GIPC2: variants seen among roughly 807,000 people sequenced by gnomAD.
GIPC2 encodes GIPC PDZ domain containing family member 2.
Under a neutral mutation model 30.6 loss-of-function variants are expected in GIPC2, and 30 were observed. The observed-to-expected ratio is 0.98, with a 90% CI of 0.73 to 1.33. GIPC2 has a LOEUF of 1.33. Ranked by LOEUF, GIPC2 falls within the 40% of genes most tolerant of loss-of-function variation. The pLI is 0.00. For missense variants in GIPC2, 414 were observed against 390.3 expected, an observed-to-expected ratio of 1.06 and a Z score of -0.51; for synonymous variants, 167 against 150.0, an observed-to-expected ratio of 1.11 and a Z score of -0.83.
intron 3 of GIPC2, among the ~76,000 whole-genome samples, chr1:78,109,370 C>A (rs747715282): frequency 2.7e-4 from 41 of 152,136 alleles, no homozygotes; most frequent in Non-Finnish European, 5.0e-4. Flanking sequence ...CCAATGGGTG[C>A]TAAAACAACC....
At chr1:78,054,745 A>G (rs1661255756) in intron 1 of GIPC2, among the ~76,000 whole-genome samples, 1 of 152,178 alleles carries the variant, frequency 6.6e-6, no homozygotes, top group Non-Finnish European at 1.5e-5. Context: ...GTGGGAGGAG[A>G]ATCCAACCAG....
rs1050134721 is a variant in GIPC2 at position 78,126,110 on chromosome 1, G to A, written c.796+148G>A. 25 of 531,418 alleles carry A rather than the reference G, an allele frequency of 4.7e-5. No homozygotes were observed. The South Asian group carries it at 6.2e-4, about 13-fold the overall frequency. The allele number at this position is 531,418 out of a possible 1,614,324, so 32.9% of individuals were successfully genotyped here. ...TAACAGACATAAAGATAAGAATAAT[G>A]AAGACCTGTTCCTTACCGCTTTCTA... On this transcript the variant is annotated intron_variant, in intron 5 of 5. Coordinates refer to ENST00000370759, the MANE Select transcript of GIPC2 (RefSeq NM_017655.6).
chr1:78,134,498 G>T (rs1470959308), intron 5 of GIPC2, among the ~76,000 whole-genome samples: 1 of 151,962 alleles, frequency 6.6e-6, no homozygotes, highest in Admixed American at 6.6e-5. Flanking sequence ...ATGCCAGGCT[G>T]CCTGGCCATA....
intron 3 of GIPC2, among the ~76,000 whole-genome samples, chr1:78,099,632 G>C (rs1173540018): frequency 2.0e-5 from 3 of 151,988 alleles, no homozygotes; most frequent in Non-Finnish European, 4.4e-5. Context: ...TAGAGACAGG[G>C]TTTCATTGTG....
intron 5 of GIPC2, among the ~76,000 whole-genome samples, chr1:78,133,706 G>T (rs567072112): frequency 6.6e-6 from 1 of 151,536 alleles, no homozygotes; most frequent in Non-Finnish European, 1.5e-5. Flanking sequence ...TGCCACTAGG[G>T]TTTAGTTTTA....
chr1:78,130,306 G>T (rs1300517439), intron 5 of GIPC2, among the ~76,000 whole-genome samples: 3 of 152,038 alleles, frequency 2.0e-5, no homozygotes, highest in Admixed American at 2.0e-4. Flanking sequence ...GTTTCACCAT[G>T]TTGACCAGGC....
chr1:78,050,404 A>C (rs984946691), intron 1 of GIPC2, among the ~76,000 whole-genome samples: 1 of 152,166 alleles, frequency 6.6e-6, no homozygotes, highest in Non-Finnish European at 1.5e-5. Flanking sequence ...GTGGTCCCTG[A>C]AGGAATAAGC....
At chr1:78,113,135 G>T (rs1461107402) in intron 3 of GIPC2, among the ~76,000 whole-genome samples, 1 of 152,096 alleles carries the variant, frequency 6.6e-6, no homozygotes, top group Admixed American at 6.5e-5. Flanking sequence ...AAAGGCCTTT[G>T]AGTAGAGGAC....
chr1:78,094,906 T>G (rs1662107714), intron 2 of GIPC2, 46 bp from the exon 3 acceptor site: 1 of 1,349,920 alleles, frequency 7.4e-7, no homozygotes, highest in Non-Finnish European at 1.1e-6. Flanking sequence ...GGTGCATTCA[T>G]TACACAGTTC....
chr1:78,106,369 C>A (rs1662353699), intron 3 of GIPC2, among the ~76,000 whole-genome samples: 1 of 151,992 alleles, frequency 6.6e-6, no homozygotes, highest in South Asian at 2.1e-4. Flanking sequence ...ACCATCCTGG[C>A]GAACACTGTT....
chr1:78,124,595 C>A (rs1186424559), intron 4 of GIPC2, among the ~76,000 whole-genome samples: 2 of 152,206 alleles, frequency 1.3e-5, no homozygotes, highest in Non-Finnish European at 2.9e-5. Context: ...TGTTCTCCAG[C>A]TACATGGGAC....
At chr1:78,075,779 T>C (rs1661707037) in intron 1 of GIPC2, among the ~76,000 whole-genome samples, 1 of 152,238 alleles carries the variant, frequency 6.6e-6, no homozygotes. Context: ...CTTAGGCTAG[T>C]TCACTTTTAT....
intron 1 of GIPC2, among the ~76,000 whole-genome samples, chr1:78,056,772 A>G (rs755712677): frequency 9.2e-4 from 140 of 152,348 alleles, no homozygotes; most frequent in South Asian, 1.2e-3. Context: ...ACCCAAGAGT[A>G]ACAACCATCC....
At chr1:78,073,166 C>T (rs1012537998) in intron 1 of GIPC2, among the ~76,000 whole-genome samples, 15 of 149,614 alleles carry the variant, frequency 1.0e-4, no homozygotes, top group Admixed American at 9.3e-4. Context: ...TACAGTGGCC[C>T]GATCTCAGCT....
intron 3 of GIPC2, among the ~76,000 whole-genome samples, chr1:78,100,940 ATACACACACACACAC>A (rs1487112695): frequency 0.035 from 3,965 of 113,496 alleles, 225 homozygotes; most frequent in African/African-American, 0.12. Context: ...AAAAAAAAAA[ATACACACACACACAC>A]ACACACACAC....
At chr1:78,071,344 T>G (rs2100326014) in intron 1 of GIPC2, among the ~76,000 whole-genome samples, 1 of 152,254 alleles carries the variant, frequency 6.6e-6, no homozygotes, top group East Asian at 1.9e-4. Flanking sequence ...GTTTGGCTTT[T>G]AAAGTCTAAT....
rs1041356896 is a variant in GIPC2 at position 78,105,733 on chromosome 1, C to G, written c.607+10601C>G. ...AAAAATGATGCTTAAATGTAAGTGGCTTTTCTAATCTGAATAGTATGACTA... is the reference window on the plus strand; with the variant it reads ...AAAAATGATGCTTAAATGTAAGTGGGTTTTCTAATCTGAATAGTATGACTA... On this transcript the variant is annotated intron_variant, in intron 3 of 5. Coordinates refer to ENST00000370759, the MANE Select transcript of GIPC2 (RefSeq NM_017655.6). Among the ~76,000 whole-genome samples the G allele has an allele frequency of 2.6e-5, 4 of 152,156 alleles. 1 individual carries two copies. The highest frequency in any genetic ancestry group is 2.0e-4 in the Admixed American group (3 of 15,264).
chr1:78,099,918 G>T (rs796573719), intron 3 of GIPC2, among the ~76,000 whole-genome samples: 9 of 152,284 alleles, frequency 5.9e-5, no homozygotes, highest in African/African-American at 2.2e-4. Flanking sequence ...TTTGGTTAGA[G>T]GTTATAGGTG....
In GIPC2 at chr1:78,114,637, TA is replaced by T. The variant is rs879259372; in HGVS notation, c.608-4744del. On this transcript the variant is annotated intron_variant, in intron 3 of 5. Transcript: ENST00000370759. ...AGATGGCTTGGCAAATACATAATGA[TA>T]AAAAAAAAAAATCTGGGATGTATAG... Among the ~76,000 whole-genome samples, 535 of 143,740 alleles carry T rather than the reference TA, an allele frequency of 3.7e-3. 1 individual carries two copies. Among genetic ancestry groups the T allele is most frequent in the African/African-American group, 9.6e-3 (379 of 39,392 alleles). 94.3% of individuals were successfully genotyped at this position (143,740 alleles called of 152,430 possible). A position where few individuals can be genotyped will look rare whatever the true frequency, so the allele number is the denominator to read the frequency against.
Sources: gnomAD v4.1 joint callset for allele counts (sites outside exome capture counted in the v4.1 genomes callset) on GRCh38, gnomAD v4.1.1 for gene constraint, MANE v1.5 for transcripts, NCBI Gene and HGNC (gene_info 2026-07-23, HGNC 2026-07-21) for gene names.